ITGB4: variants seen among roughly 807,000 people sequenced by gnomAD.
ITGB4 encodes the protein integrin subunit beta 4.
ITGB4 carries 159 observed loss-of-function variants against 207.6 expected under a neutral mutation model. That is an observed-to-expected ratio of 0.77 (90% CI 0.67 to 0.87). The LOEUF (loss-of-function observed/expected upper bound fraction) is 0.87. ITGB4 is among the 40% of genes least tolerant of loss of function. The probability of loss-of-function intolerance (pLI) is 0.00; values close to 1 mark genes in which losing one functional copy is unlikely to be tolerated. For missense variants in ITGB4, 2,278 were observed against 2,546.8 expected (o/e 0.89, Z 2.27); for synonymous variants, 1,020 against 1,062.7 (o/e 0.96, Z 0.78).
At chr17:75,723,436 A>T (rs2060656823) in intron 1 of ITGB4, among the ~76,000 whole-genome samples, 1 of 152,110 alleles carries the variant, frequency 6.6e-6, no homozygotes, top group Admixed American at 6.5e-5. Flanking sequence ...TGCAGCCTGT[A>T]TTGTGTAGCA....
chr17:75,755,340 A>G, intron 34 of ITGB4: 1 of 987,850 alleles, frequency 1.0e-6, no homozygotes, highest in Non-Finnish European at 1.5e-6. Flanking sequence ...CCGCCTGCCC[A>G]CAGGCGCTAA....
rs926266837 is a variant in ITGB4, at chr17:75,731,632, C to T, written c.1216-180C>T. 6.6e-6 allele frequency among the ~76,000 whole-genome samples: 1 copy of T among 152,192 alleles called. No individual in the cohort carries two copies. Among genetic ancestry groups the T allele is most frequent in the East Asian group, 1.9e-4 (1 of 5,184 alleles). On this transcript the variant is annotated intron_variant, in intron 10 of 39. Transcript: ENST00000200181. This position sits in a 1 kb window ranked among gnomAD's most constrained non-coding sequence, Gnocchi z 6.8. Reference sequence around the variant, plus strand: ...CAGAGGCCCTGGCCACTGTCATTGTCGCTATGATTGTGACTGCGCTGGGAA... The same window carrying T: ...CAGAGGCCCTGGCCACTGTCATTGTTGCTATGATTGTGACTGCGCTGGGAA...
In ITGB4 at chr17:75,728,403, G is replaced by A. The variant is rs764570054; in HGVS notation, c.496G>A (p.Asp166Asn). ...TCGGGTCCTGAGCCAGCTCACCAGC[G>A]ACTACACTATTGGATTTGGCAAGTT... ...LARVLSQLTS[D>N]YTIGFGKFVD... The change falls in exon 6 of 40, where the codon GAC (aspartate) becomes AAC (asparagine). Residue 166 changes from aspartate to asparagine, a missense_variant. Coordinates refer to ENST00000200181, the MANE Select transcript of ITGB4 (RefSeq NM_000213.5). 8.1e-6 allele frequency: 13 copies of A among 1,613,972 alleles called. No individual in the cohort carries two copies. Among genetic ancestry groups the A allele is most frequent in the Middle Eastern group, 1.6e-4 (1 of 6,062 alleles).
Position 75,750,931 on chromosome 17 carries a change from C to A in ITGB4, c.3656-43C>A, listed in dbSNP as rs1308253012. ...TGCCAGCATGCCCAGACCTCCCTCC[C>A]TCTGCCACTGACAGCACTCTTCCTG... On this transcript the variant is annotated intron_variant, in intron 29 of 39. Coordinates refer to ENST00000200181, the MANE Select transcript of ITGB4 (RefSeq NM_000213.5). This position sits in a 1 kb window ranked among gnomAD's most constrained non-coding sequence, Gnocchi z 5.5. 6.2e-7 allele frequency: 1 copy of A among 1,613,462 alleles called. No individual in the cohort carries two copies. The highest frequency in any genetic ancestry group is 1.1e-5 in the South Asian group (1 of 91,068).
At position 75,736,316 on chromosome 17, in the gene ITGB4, A is replaced by G. The variant is rs2060973637; in HGVS notation, c.1790A>G (p.Glu597Gly). The stretch of plus-strand genomic sequence containing the variant: ...ATCTGTAATGGACGTGGCCACTGTG[A>G]GTGTGGCCGCTGCCACTGCCACCAG... The part of the protein sequence containing the change: ...GGICNGRGHC[E>G]CGRCHCHQQS... Residue 597 changes from glutamate (E) to glycine (G), a missense_variant, in exon 15 of 40, where the codon GAG (glutamate) becomes GGG (glycine). Coordinates refer to ENST00000200181, the MANE Select transcript of ITGB4 (RefSeq NM_000213.5). The G allele has an allele frequency of 6.2e-7, 1 of 1,613,898 alleles. No homozygotes were observed. The highest frequency in any genetic ancestry group is 8.5e-7 in the Non-Finnish European group (1 of 1,180,010).
chr17:75,754,706 C>T lies in ITGB4; in HGVS notation c.4449C>T (p.Ser1483=). 1.2e-6 allele frequency: 2 copies of T among 1,614,178 alleles called. No individual in the cohort carries two copies. Among genetic ancestry groups the T allele is most frequent in the Non-Finnish European group, 1.7e-6 (2 of 1,180,016 alleles). Residue 1483 remains serine (S), a synonymous_variant, in exon 34 of 40, where the codon AGC becomes AGT. Transcript: ENST00000200181. The part of the protein sequence containing the change: ...LSPHVPHRVL[S]TSSTLTRDYN... ...CACACGTGCCCCACCGCGTGCTAAG[C>T]ACATCCTCCACCCTCACACGGGACT...
intron 18 of ITGB4, among the ~76,000 whole-genome samples, chr17:75,738,108 A>G (rs1338553312): frequency 1.3e-5 from 2 of 152,162 alleles, no homozygotes; most frequent in Non-Finnish European, 2.9e-5. Context: ...TAAAATGAAG[A>G]TCATAGAATT....
Position 75,742,284 on chromosome 17 carries a change from G to C in ITGB4, c.2634-57G>C. Reference sequence around the variant, plus strand: ...GGGGAGAAGACAGGCAGGAGGGACAGGGCAGCAGGTGCCAGCCTGACCCCT... The same window carrying C: ...GGGGAGAAGACAGGCAGGAGGGACACGGCAGCAGGTGCCAGCCTGACCCCT... On this transcript the variant is annotated intron_variant, in intron 23 of 39. Coordinates refer to ENST00000200181, the MANE Select transcript of ITGB4 (RefSeq NM_000213.5). The surrounding 1 kb of genome is among the most constrained non-coding windows in gnomAD (Gnocchi z 5.9). 1 of 1,606,624 alleles carries C rather than the reference G, an allele frequency of 6.2e-7. No individual in the cohort carries two copies. The highest frequency in any genetic ancestry group is 1.7e-4 in the Middle Eastern group (1 of 6,040).
rs2061085543 is a variant in ITGB4 at position 75,740,582 on chromosome 17, T to C, written c.2550+121T>C. On this transcript the variant is annotated intron_variant, in intron 21 of 39. Transcript: ENST00000200181. The surrounding 1 kb of genome is among the most constrained non-coding windows in gnomAD (Gnocchi z 5.9). ...ATTAACTAGGGGAGAGGGGTCTCTCTGGACCTGTGCCTGGCAGGGGGCATC... is the reference window on the plus strand; with the variant it reads ...ATTAACTAGGGGAGAGGGGTCTCTCCGGACCTGTGCCTGGCAGGGGGCATC... The C allele has an allele frequency of 2.0e-6, 2 of 993,840 alleles. No individual in the cohort carries two copies. The highest frequency in any genetic ancestry group is 3.1e-6 in the Non-Finnish European group (2 of 639,728). The allele number at this position is 993,840 out of a possible 1,614,324, so 61.6% of individuals were successfully genotyped here. A position where few individuals can be genotyped will look rare whatever the true frequency, so the allele number is the denominator to read the frequency against.
At chr17:75,756,650 C>T (rs201803735) in intron 36 of ITGB4, 33 bp downstream of exon 36, 6 of 1,613,078 alleles carry the variant, frequency 3.7e-6, no homozygotes, top group Non-Finnish European at 5.1e-6. Flanking sequence ...AGAGCTGCCC[C>T]CATCATGCCC....
chr17:75,752,589 C>G lies in ITGB4; in HGVS notation c.4108+12C>G, dbSNP rs780154656. ...CTCCGATGACACTGGTGAGTGGAGA[C>G]CTGGGACCCACAAGAGGACAGTGGG... On this transcript the variant is annotated intron_variant, in intron 32 of 39. Transcript: ENST00000200181. The G allele has an allele frequency of 6.2e-7, 1 of 1,613,304 alleles. No homozygotes were observed. The highest frequency in any genetic ancestry group is 1.3e-5 in the African/African-American group (1 of 75,060).
rs960187529 is a variant in ITGB4, at chr17:75,754,009, C to T, written c.4318+35C>T. 29 of 984,328 alleles carry T rather than the reference C, an allele frequency of 2.9e-5. No individual in the cohort carries two copies. In the African/African-American group the frequency reaches 4.4e-4, roughly 15 times the overall value. 61.0% of individuals were successfully genotyped at this position (984,328 alleles called of 1,614,324 possible). A position where few individuals can be genotyped will look rare whatever the true frequency, so the allele number is the denominator to read the frequency against. On this transcript the variant is annotated intron_variant, in intron 33 of 39. Transcript: ENST00000200181. ...TCACCCGCCGCCCCCCGATCCGCGC[C>T]CACCCAGCCTCACTCGCGCCTGAGG...
In ITGB4 at chr17:75,727,368, G is replaced by A. The variant is rs1193111223; in HGVS notation, c.163-36G>A. On this transcript the variant is annotated intron_variant, in intron 3 of 39. Transcript: ENST00000200181. The surrounding 1 kb of genome is among the most constrained non-coding windows in gnomAD (Gnocchi z 6.0). ...TAGGGTTGGGGCAGCCAGGGAATGG[G>A]TGCTGCCCCCAGTGACCCCCTGTCC... 2 of 1,610,568 alleles carry A rather than the reference G, an allele frequency of 1.2e-6. No individual in the cohort carries two copies. Among genetic ancestry groups the A allele is most frequent in the Admixed American group, 1.7e-5 (1 of 59,998 alleles).
Position 75,753,090 on chromosome 17 carries a change from T to G in ITGB4, c.4108+513T>G, listed in dbSNP as rs141859331. ...TGTGGGACATCAGATGAATCACTCA[T>G]CCTTTCCATGCCTCACTTTTCTGCT... On this transcript the variant is annotated intron_variant, in intron 32 of 39. Coordinates refer to ENST00000200181, the MANE Select transcript of ITGB4 (RefSeq NM_000213.5). 5.7e-3 allele frequency among the ~76,000 whole-genome samples: 875 copies of G among 152,362 alleles called. 10 individuals are homozygous for G. The highest frequency in any genetic ancestry group is 0.018 in the African/African-American group (728 of 41,584).
intron 23 of ITGB4, among the ~76,000 whole-genome samples, chr17:75,741,826 GC>G (rs2061117736): frequency 2.0e-5 from 3 of 152,026 alleles, no homozygotes; most frequent in Admixed American, 2.0e-4. Context: ...AAAAAGAATG[GC>G]TGACCAGCAT....
rs1162137459 is a variant in ITGB4, at chr17:75,731,281, C to G, written c.1128C>G (p.Asp376Glu). The change falls in exon 10 of 40, where the codon GAC (aspartate) becomes GAG (glutamate). Residue 376 changes from aspartate to glutamate, a missense_variant. Transcript: ENST00000200181. This position sits in a 1 kb window ranked among gnomAD's most constrained non-coding sequence, Gnocchi z 6.8. ...CCAACCTGGACATCCGGGCCCTAGA[C>G]AGCCCCCGAGGCCTTCGGACAGAGG... is the stretch of plus-strand genomic sequence containing the variant. ...IRSNLDIRAL[D>E]SPRGLRTEVT... The G allele has an allele frequency of 1.9e-6, 3 of 1,613,504 alleles. No individual in the cohort carries two copies. Among genetic ancestry groups the G allele is most frequent in the African/African-American group, 2.7e-5 (2 of 74,940 alleles).
At position 75,749,988 on chromosome 17, in the gene ITGB4, G is replaced by A. The variant is rs549230896; in HGVS notation, c.3317-123G>A. 2,089 of 1,202,618 alleles carry A rather than the reference G, an allele frequency of 1.7e-3. 7 individuals are homozygous for A. The highest frequency in any genetic ancestry group is 2.4e-3 in the Non-Finnish European group (1,919 of 808,290). The allele number at this position is 1,202,618 out of a possible 1,614,324, so 74.5% of individuals were successfully genotyped here. ...GGCACCACCAGGTCTCCAGAGACGCGGGTGGGCAGGTCTGAGTTGAATGCG... is the reference window on the plus strand; with the variant it reads ...GGCACCACCAGGTCTCCAGAGACGCAGGTGGGCAGGTCTGAGTTGAATGCG... On this transcript the variant is annotated intron_variant, in intron 27 of 39. Transcript: ENST00000200181.
intron 34 of ITGB4, 141 bp downstream of exon 34, chr17:75,754,956 GCACACGCATGCACACATGTA>G: frequency 1.7e-6 from 2 of 1,198,702 alleles, no homozygotes; most frequent in Non-Finnish European, 2.3e-6. Context: ...GCACACACGT[GCACACGCATGCACACATGTA>G]CACAGACATG....
intron 16 of ITGB4, among the ~76,000 whole-genome samples, 155 bp from the exon 17 acceptor site, chr17:75,737,167 G>C (rs141440057): frequency 1.3e-5 from 2 of 152,150 alleles, no homozygotes; most frequent in Admixed American, 1.3e-4. Flanking sequence ...CCTGTGCCTG[G>C]TGAGAGCACG....
Sources: gnomAD v4.1 joint callset for allele counts (sites outside exome capture counted in the v4.1 genomes callset) on GRCh38, gnomAD v4.1.1 for gene constraint, Gnocchi (gnomAD v3.1) non-coding constraint, MANE v1.5 for transcripts, NCBI Gene and HGNC (gene_info 2026-07-23, HGNC 2026-07-21) for gene names.